The following NALF1 variants were observed in gnomAD, a reference collection of about 807,000 sequenced individuals.
NALF1 encodes the protein NALCN channel auxiliary factor 1.
Under a neutral mutation model 48.4 loss-of-function variants are expected in NALF1, and 3 were observed. The ratio of observed to expected loss-of-function variants is 0.06; its 90% confidence interval spans 0.03 to 0.16. NALF1 has a LOEUF of 0.16. Among genes scored for constraint, NALF1 ranks in the 10% least tolerant of loss-of-function variants. NALF1 has a pLI of 1.00. For missense variants in NALF1, 526 were observed against 571.5 expected, an observed-to-expected ratio of 0.92 and a Z score of 0.81; for synonymous variants, 262 against 245.7, an observed-to-expected ratio of 1.07 and a Z score of -0.62.
At chr13:107,710,030 T>G (rs887487117) in intron 1 of NALF1, among the ~76,000 whole-genome samples, 1 of 151,948 alleles carries the variant, frequency 6.6e-6, no homozygotes, top group Non-Finnish European at 1.5e-5. Context: ...GGTAGGAGAA[T>G]TGCTTGAGCC....
At chr13:107,630,338 G>A (rs1429815878) in intron 1 of NALF1, among the ~76,000 whole-genome samples, 1 of 151,994 alleles carries the variant, frequency 6.6e-6, no homozygotes, top group African/African-American at 2.4e-5. Context: ...ACACCATGGG[G>A]TCTGTGACTT....
At chr13:107,563,316 G>C (rs569055345) in intron 1 of NALF1, among the ~76,000 whole-genome samples, 3 of 152,114 alleles carry the variant, frequency 2.0e-5, no homozygotes, top group Admixed American at 1.3e-4. Context: ...ACATTGATCC[G>C]TTGTGACAAA....
intron 1 of NALF1, among the ~76,000 whole-genome samples, chr13:107,743,699 T>C (rs1021705473): frequency 6.6e-6 from 1 of 152,184 alleles, no homozygotes; most frequent in Non-Finnish European, 1.5e-5. Context: ...GAGTAAACAG[T>C]ATAGCAGATT....
intron 1 of NALF1, among the ~76,000 whole-genome samples, chr13:107,585,089 T>C (rs1227910576): frequency 6.6e-6 from 1 of 152,214 alleles, no homozygotes; most frequent in Non-Finnish European, 1.5e-5. Context: ...CCTACCATAT[T>C]AAGATATCAA....
At chr13:107,269,157 G>GC (rs1315691769) in intron 1 of NALF1, among the ~76,000 whole-genome samples, 1 of 146,132 alleles carries the variant, frequency 6.8e-6, no homozygotes, top group African/African-American at 2.5e-5. Context: ...GTGAGACCCT[G>GC]TCTATGTTTA....
At position 107,267,301 on chromosome 13, in the gene NALF1, G is replaced by A. The variant is rs185251983; in HGVS notation, c.916-56546C>T. Among the ~76,000 whole-genome samples the A allele has an allele frequency of 2.7e-4, 41 of 152,240 alleles. No individual in the cohort carries two copies. In the East Asian group the frequency reaches 7.7e-3, roughly 29 times the overall value. ...AGATACCACATAAAATTGGACCAAA[G>A]AGGTACAGTCAAGCAAAGTGATGTA... is the stretch of plus-strand genomic sequence containing the variant. On this transcript the variant is annotated intron_variant, in intron 1 of 2. Transcript: ENST00000375915.
At chr13:107,741,304 T>A (rs1367188504) in intron 1 of NALF1, among the ~76,000 whole-genome samples, 1 of 152,198 alleles carries the variant, frequency 6.6e-6, no homozygotes, top group African/African-American at 2.4e-5. Flanking sequence ...CCTACCCTAA[T>A]TCAGCTTCCC....
intron 1 of NALF1, among the ~76,000 whole-genome samples, chr13:107,561,649 G>T (rs533608468): frequency 6.6e-6 from 1 of 152,102 alleles, no homozygotes; most frequent in Non-Finnish European, 1.5e-5. Context: ...CCTATTCCCT[G>T]CCAATCTTTT....
intron 1 of NALF1, among the ~76,000 whole-genome samples, chr13:107,350,996 G>A (rs765577749): frequency 5.3e-5 from 8 of 152,204 alleles, no homozygotes; most frequent in Non-Finnish European, 8.8e-5. Flanking sequence ...TCCATTAAGT[G>A]ATCCCATGCT....
intron 1 of NALF1, among the ~76,000 whole-genome samples, chr13:107,749,907 C>T (rs1247996972): frequency 6.6e-6 from 1 of 151,888 alleles, no homozygotes; most frequent in Non-Finnish European, 1.5e-5. Context: ...GCAACCTCCA[C>T]CTCCCAGGTT....
chr13:107,634,163 G>GA (rs1219424965), intron 1 of NALF1, among the ~76,000 whole-genome samples: 1 of 151,990 alleles, frequency 6.6e-6, no homozygotes, highest in South Asian at 2.1e-4. Context: ...TTATTCACCA[G>GA]AAAAAATGTA....
chr13:107,619,465 C>A (rs1465545589), intron 1 of NALF1, among the ~76,000 whole-genome samples: 2 of 152,112 alleles, frequency 1.3e-5, no homozygotes, highest in Non-Finnish European at 2.9e-5. Context: ...CCATGGAACC[C>A]TGGTAATCGG....
chr13:107,311,724 G>GA (rs1016186735), intron 1 of NALF1, among the ~76,000 whole-genome samples: 15 of 151,274 alleles, frequency 9.9e-5, no homozygotes, highest in Admixed American at 6.6e-4. Context: ...AAATTTACAA[G>GA]AAAAAAAACA....
chr13:107,226,961 TATTAACAAA>T (rs1193089539), intron 1 of NALF1, among the ~76,000 whole-genome samples: 5 of 152,232 alleles, frequency 3.3e-5, no homozygotes, highest in Admixed American at 2.6e-4. Context: ...TAGATATTTG[TATTAACAAA>T]AGTATGCACT....
At chr13:107,765,522 C>T (rs2138565150) in intron 1 of NALF1, among the ~76,000 whole-genome samples, 1 of 152,290 alleles carries the variant, frequency 6.6e-6, no homozygotes, top group East Asian at 1.9e-4. Flanking sequence ...TGCAAGCCTA[C>T]TTACATAGTA....
At chr13:107,711,854 T>C (rs1566453474) in intron 1 of NALF1, among the ~76,000 whole-genome samples, 1 of 152,236 alleles carries the variant, frequency 6.6e-6, no homozygotes, top group Non-Finnish European at 1.5e-5. Context: ...TGATCTTGTT[T>C]TTTATGTTCA....
chr13:107,713,286 A>T (rs1875657304), intron 1 of NALF1, among the ~76,000 whole-genome samples: 1 of 152,228 alleles, frequency 6.6e-6, no homozygotes, highest in African/African-American at 2.4e-5. Context: ...AGTCTTTCAG[A>T]ACACAATCAT....
At chr13:107,794,239 T>C (rs996867570) in intron 1 of NALF1, among the ~76,000 whole-genome samples, 1 of 152,200 alleles carries the variant, frequency 6.6e-6, no homozygotes, top group Non-Finnish European at 1.5e-5. Context: ...CTGCCACTTT[T>C]ACATTCAACA....
At chr13:107,816,180 C>A (rs974548115) in intron 1 of NALF1, among the ~76,000 whole-genome samples, 1 of 152,202 alleles carries the variant, frequency 6.6e-6, no homozygotes, top group African/African-American at 2.4e-5. Context: ...TCACCCAACA[C>A]AGCAGAATGA....
Sources: allele counts gnomAD v4.1 joint callset (sites outside exome capture counted in the v4.1 genomes callset), GRCh38; gene constraint gnomAD v4.1.1; transcripts MANE v1.5; gene names NCBI Gene and HGNC (gene_info 2026-07-23, HGNC 2026-07-21).